The following AHRR variants were observed in gnomAD, a reference collection of about 807,000 sequenced individuals.
The protein encoded by AHRR is aryl hydrocarbon receptor repressor, also known as ahR repressor.
In AHRR, 28 loss-of-function variants were observed where a neutral mutation model predicts 44.0. The ratio of observed to expected loss-of-function variants is 0.64; its 90% confidence interval spans 0.47 to 0.87. The LOEUF is 0.87. AHRR is among the 40% of genes least tolerant of loss of function. AHRR has a pLI of 0.00. For synonymous variants in AHRR, 434 were observed against 407.0 expected, an observed-to-expected ratio of 1.07 and a Z score of -0.80; for missense variants, 990 against 953.9, an observed-to-expected ratio of 1.04 and a Z score of -0.50.
chr5:414,239 G>A (rs1285148670), intron 5 of AHRR, among the ~76,000 whole-genome samples: 3 of 151,962 alleles, frequency 2.0e-5, no homozygotes, highest in Non-Finnish European at 4.4e-5. Context: ...CTCCAGCCTG[G>A]GTGACAGAGC....
At chr5:332,744 T>C (rs987660257) in intron 1 of AHRR, among the ~76,000 whole-genome samples, 1 of 152,210 alleles carries the variant, frequency 6.6e-6, no homozygotes, top group African/African-American at 2.4e-5. Context: ...AGCTGATCTG[T>C]CTAATGCCAT....
intron 3 of AHRR, chr5:368,031 C>T (rs1251720749): frequency 7.4e-6 from 5 of 673,688 alleles, no homozygotes; most frequent in Non-Finnish European, 1.4e-5. Flanking sequence ...GGCAGGCCAG[C>T]CCCATATGGG....
chr5:345,069 GAT>G (rs1491193133), intron 2 of AHRR, among the ~76,000 whole-genome samples: 2 of 48,576 alleles, frequency 4.1e-5, no homozygotes, highest in African/African-American at 1.2e-4. Flanking sequence ...TGTGTGTGGG[GAT>G]GTGTGTGTGT....
intron 5 of AHRR, among the ~76,000 whole-genome samples, chr5:420,549 A>C (rs1414592450): frequency 6.6e-6 from 1 of 152,242 alleles, no homozygotes; most frequent in African/African-American, 2.4e-5. Context: ...CACCACAGAC[A>C]GCTTCAGGGC....
rs141512582 is a variant in AHRR, at chr5:380,168, G to A, written c.351+3452G>A. On this transcript the variant is annotated intron_variant, in intron 4 of 10. Coordinates refer to ENST00000684583, the MANE Select transcript of AHRR (RefSeq NM_001377236.1). ...TTTTGTGGATCTGTTTCTGGACTCTGTATTCTGTTCTATATATCTGTATTT... is the reference window on the plus strand; with the variant it reads ...TTTTGTGGATCTGTTTCTGGACTCTATATTCTGTTCTATATATCTGTATTT... Among the ~76,000 whole-genome samples the A allele has an allele frequency of 3.7e-3, 563 of 152,248 alleles. 2 individuals carry two copies. The highest frequency in any genetic ancestry group is 6.8e-3 in the Non-Finnish European group (464 of 67,998).
At chr5:375,451 G>T (rs186285289) in intron 3 of AHRR, among the ~76,000 whole-genome samples, 123 of 152,328 alleles carry the variant, frequency 8.1e-4, no homozygotes, top group South Asian at 3.7e-3. Context: ...CTAACCCGCG[G>T]AAGTGGGCAG....
At position 388,898 on chromosome 5, in the gene AHRR, G is replaced by T. The variant is rs896646602; in HGVS notation, c.351+12182G>T. Among the ~76,000 whole-genome samples, 4 of 152,200 alleles carry T rather than the reference G, an allele frequency of 2.6e-5. No individual in the cohort carries two copies. The highest frequency in any genetic ancestry group is 5.9e-5 in the Non-Finnish European group (4 of 68,026). On this transcript the variant is annotated intron_variant, in intron 4 of 10. Transcript: ENST00000684583. The surrounding 1 kb of genome is among the most constrained non-coding windows in gnomAD (Gnocchi z 5.2). ...TCATGACAAAAGCAGCAGGTGCGGA[G>T]GGTTTCCGCCGGTGCCTCGCACAGG...
chr5:387,329 G>A lies in AHRR; in HGVS notation c.351+10613G>A, dbSNP rs977004212. ...AGACGATGTTTCTCTTGGGGTCATAGCTGCCATTCCTGCTGCATGGTTCTG... is the reference window on the plus strand; with the variant it reads ...AGACGATGTTTCTCTTGGGGTCATAACTGCCATTCCTGCTGCATGGTTCTG... On this transcript the variant is annotated intron_variant, in intron 4 of 10. Coordinates refer to ENST00000684583, the MANE Select transcript of AHRR (RefSeq NM_001377236.1). The surrounding 1 kb of genome is among the most constrained non-coding windows in gnomAD (Gnocchi z 5.1). Among the ~76,000 whole-genome samples the A allele has an allele frequency of 3.9e-5, 6 of 152,226 alleles. No homozygotes were observed. The highest frequency in any genetic ancestry group is 1.4e-4 in the African/African-American group (6 of 41,450).
At chr5:400,909 G>GGGAAAAGCTGT (rs1245241647) in intron 4 of AHRR, among the ~76,000 whole-genome samples, 12 of 152,210 alleles carry the variant, frequency 7.9e-5, no homozygotes, top group African/African-American at 2.9e-4. Flanking sequence ...CCGCTGAATT[G>GGGAAAAGCTGT]GGAAAAGCTG....
intron 4 of AHRR, among the ~76,000 whole-genome samples, chr5:380,616 T>C (rs1733941134): frequency 6.6e-6 from 1 of 152,256 alleles, no homozygotes; most frequent in Non-Finnish European, 1.5e-5. Context: ...TTTCAATTTT[T>C]AGTTCATTCC....
intron 1 of AHRR, among the ~76,000 whole-genome samples, chr5:323,654 C>A (rs959040197): frequency 6.6e-6 from 1 of 152,178 alleles, no homozygotes; most frequent in African/African-American, 2.4e-5. Flanking sequence ...CTTCCCACCT[C>A]GTTCACCCGT....
intron 10 of AHRR, 37 bp downstream of exon 10, chr5:432,984 G>T: frequency 6.5e-7 from 1 of 1,545,760 alleles, no homozygotes; most frequent in Non-Finnish European, 8.7e-7. Context: ...AGCCCTGGCA[G>T]CTCCCTAAGT....
At chr5:371,302 G>A (rs916669600) in intron 3 of AHRR, among the ~76,000 whole-genome samples, 2 of 152,188 alleles carry the variant, frequency 1.3e-5, no homozygotes, top group African/African-American at 4.8e-5. Flanking sequence ...ATGTTTAATC[G>A]CAGCACCCAG....
chr5:362,560 G>A (rs901016828), intron 3 of AHRR, among the ~76,000 whole-genome samples: 1 of 152,176 alleles, frequency 6.6e-6, no homozygotes, highest in African/African-American at 2.4e-5. Flanking sequence ...AGACTCACAA[G>A]TTTAAAATAA....
chr5:366,240 T>G (rs901102863), intron 3 of AHRR, among the ~76,000 whole-genome samples: 1 of 152,102 alleles, frequency 6.6e-6, no homozygotes, highest in African/African-American at 2.4e-5. Flanking sequence ...TACAAGGTAC[T>G]TTGTACTTAC....
chr5:345,763 G>C (rs1278780586), intron 2 of AHRR, among the ~76,000 whole-genome samples: 2 of 152,072 alleles, frequency 1.3e-5, no homozygotes, highest in Non-Finnish European at 1.5e-5. Context: ...TTAGTGTGTG[G>C]CCGTGGTGCC....
rs189673643 is a variant in AHRR, at chr5:383,027, G to A, written c.351+6311G>A. On this transcript the variant is annotated intron_variant, in intron 4 of 10. Transcript: ENST00000684583. The surrounding 1 kb of genome is among the most constrained non-coding windows in gnomAD (Gnocchi z 4.0). The stretch of plus-strand genomic sequence containing the variant: ...ACTTGGAACTTTCTCTTCAACTTGT[G>A]TTATTTAGAAGTATGTTGTTTAACT... 5.9e-5 allele frequency among the ~76,000 whole-genome samples: 9 copies of A among 152,212 alleles called. No individual in the cohort carries two copies. Among genetic ancestry groups the A allele is most frequent in the African/African-American group, 2.2e-4 (9 of 41,550 alleles).
chr5:344,185 G>A (rs569045730), intron 2 of AHRR, among the ~76,000 whole-genome samples: 124 of 151,160 alleles, frequency 8.2e-4, no homozygotes, highest in African/African-American at 2.9e-3. Context: ...GCGCCCTCGG[G>A]GCCCTGAGCG....
At chr5:346,066 G>T (rs1742664755) in intron 2 of AHRR, among the ~76,000 whole-genome samples, 1 of 152,148 alleles carries the variant, frequency 6.6e-6, no homozygotes, top group Admixed American at 6.5e-5. Context: ...CATGCCTGGG[G>T]CCAGGCACAC....
Sources: allele counts gnomAD v4.1 joint callset (sites outside exome capture counted in the v4.1 genomes callset), GRCh38; gene constraint gnomAD v4.1.1; non-coding constraint Gnocchi (gnomAD v3.1); transcripts MANE v1.5; gene names NCBI Gene and HGNC (gene_info 2026-07-23, HGNC 2026-07-21).